Variants in ATP2B2 observed in about 807,000 individuals in gnomAD.
ATP2B2 encodes the protein plasma membrane calcium-transporting ATPase 2.
ATP2B2 carries 15 observed loss-of-function variants against 120.0 expected under a neutral mutation model. The observed-to-expected ratio is 0.12, with a 90% CI of 0.08 to 0.19. The LOEUF is 0.19. ATP2B2 is among the 10% of genes least tolerant of loss of function. The pLI is 1.00. For missense variants in ATP2B2, 1,045 were observed against 1,719.8 expected (o/e 0.61, Z 6.94); for synonymous variants, 694 against 700.3 (o/e 0.99, Z 0.14).
chr3:10,454,180 C>T (rs1051801987), intron 1 of ATP2B2, among the ~76,000 whole-genome samples: 2 of 152,326 alleles, frequency 1.3e-5, no homozygotes, highest in South Asian at 2.1e-4. Context: ...AGAGAGACAA[C>T]TAAATTAGTG....
At chr3:10,501,183 ACT>A (rs1340947718) in intron 1 of ATP2B2, among the ~76,000 whole-genome samples, 5 of 151,924 alleles carry the variant, frequency 3.3e-5, no homozygotes, top group African/African-American at 7.3e-5. Context: ...CATATCTGGA[ACT>A]CTCTGACCCT....
intron 1 of ATP2B2, among the ~76,000 whole-genome samples, chr3:10,691,400 T>C (rs948675747): frequency 3.3e-5 from 5 of 152,152 alleles, no homozygotes; most frequent in African/African-American, 9.7e-5. Flanking sequence ...CCTCAGTAGT[T>C]ATGGGAGGAC....
intron 2 of ATP2B2, among the ~76,000 whole-genome samples, chr3:10,614,400 C>T (rs1045465346): frequency 8.5e-5 from 13 of 152,136 alleles, no homozygotes; most frequent in African/African-American, 2.9e-4. Flanking sequence ...TGGCAGGAAT[C>T]GCTGTAGGGC....
intron 2 of ATP2B2, among the ~76,000 whole-genome samples, chr3:10,545,093 C>G (rs2067516044): frequency 6.6e-6 from 1 of 152,176 alleles, no homozygotes; most frequent in Non-Finnish European, 1.5e-5. Flanking sequence ...AGGGAGGAGT[C>G]TGAGAAACAA....
intron 1 of ATP2B2, among the ~76,000 whole-genome samples, chr3:10,450,609 A>G (rs573521496): frequency 2.4e-4 from 36 of 152,260 alleles, no homozygotes; most frequent in African/African-American, 8.2e-4. Flanking sequence ...TAGTCACAAG[A>G]ATGTCATTGA....
At chr3:10,401,643 C>A (rs543620243) in intron 4 of ATP2B2, among the ~76,000 whole-genome samples, 11 of 152,342 alleles carry the variant, frequency 7.2e-5, no homozygotes, top group African/African-American at 2.6e-4. Flanking sequence ...CCAGAATATT[C>A]ACTTATCCAC....
chr3:10,623,181 G>C (rs948948073), intron 1 of ATP2B2, among the ~76,000 whole-genome samples: 2 of 150,782 alleles, frequency 1.3e-5, no homozygotes, highest in Non-Finnish European at 2.9e-5. Context: ...TCCTGCCTCA[G>C]CCTCCTGAGT....
chr3:10,340,855 C>T lies in ATP2B2; in HGVS notation c.2918-151G>A. Reference sequence around the variant, plus strand: ...TGGACAGTGGGGGGCCAGGGCTGTGCTGTCAGCTGGTCAGAGACTAGGACT... The same window carrying T: ...TGGACAGTGGGGGGCCAGGGCTGTGTTGTCAGCTGGTCAGAGACTAGGACT... On this transcript the variant is annotated intron_variant, in intron 19 of 22. Coordinates refer to ENST00000360273, the MANE Select transcript of ATP2B2 (RefSeq NM_001001331.4). The surrounding 1 kb of genome is among the most constrained non-coding windows in gnomAD (Gnocchi z 5.0). 1 of 777,526 alleles carries T rather than the reference C, an allele frequency of 1.3e-6. No homozygotes were observed. Among genetic ancestry groups the T allele is most frequent in the African/African-American group, 1.7e-5 (1 of 58,422 alleles). The allele number at this position is 777,526 out of a possible 1,614,324, so 48.2% of individuals were successfully genotyped here.
intron 5 of ATP2B2, among the ~76,000 whole-genome samples, chr3:10,397,925 C>A (rs1466401647): frequency 6.6e-6 from 1 of 152,198 alleles, no homozygotes; most frequent in East Asian, 1.9e-4. Flanking sequence ...TTCTATGGAG[C>A]CAGCTATGCC....
At chr3:10,501,706 C>G (rs1037592239) in intron 1 of ATP2B2, among the ~76,000 whole-genome samples, 3 of 152,046 alleles carry the variant, frequency 2.0e-5, no homozygotes, top group African/African-American at 4.8e-5. Flanking sequence ...TGGTAGGGGA[C>G]TGGTGGGGAG....
At chr3:10,377,994 C>A (rs2061426270) in intron 10 of ATP2B2, among the ~76,000 whole-genome samples, 1 of 152,214 alleles carries the variant, frequency 6.6e-6, no homozygotes, top group African/African-American at 2.4e-5. Flanking sequence ...ACAGCCATTG[C>A]CGGACAAGAA....
At chr3:10,625,501 C>T (rs1009784368) in intron 1 of ATP2B2, among the ~76,000 whole-genome samples, 8 of 152,288 alleles carry the variant, frequency 5.3e-5, no homozygotes, top group Admixed American at 2.6e-4. Flanking sequence ...TTTCCTACTC[C>T]GCCAGGATTT....
At chr3:10,480,604 A>G (rs1469678800) in intron 1 of ATP2B2, among the ~76,000 whole-genome samples, 1 of 152,034 alleles carries the variant, frequency 6.6e-6, no homozygotes, top group East Asian at 1.9e-4. Context: ...CAGGCCCAAG[A>G]CCCTGTCAAG....
chr3:10,625,206 T>C (rs1377678822), intron 1 of ATP2B2, among the ~76,000 whole-genome samples: 2 of 152,224 alleles, frequency 1.3e-5, no homozygotes, highest in Non-Finnish European at 2.9e-5. Flanking sequence ...GAACGGTCTG[T>C]GGGTACTTAA....
chr3:10,451,089 T>C (rs1254021767), intron 1 of ATP2B2, among the ~76,000 whole-genome samples: 1 of 152,236 alleles, frequency 6.6e-6, no homozygotes, highest in African/African-American at 2.4e-5. Flanking sequence ...GCTGGAGGCA[T>C]TCTAGGGCTA....
At chr3:10,669,946 G>C (rs562759002) in intron 1 of ATP2B2, among the ~76,000 whole-genome samples, 22 of 152,320 alleles carry the variant, frequency 1.4e-4, no homozygotes, top group African/African-American at 3.8e-4. Context: ...GCTGGCCATA[G>C]AGAAAATGGT....
At chr3:10,338,610 A>T (rs2060193889) in intron 21 of ATP2B2, 7 of 500,420 alleles carry the variant, frequency 1.4e-5, no homozygotes, top group Admixed American at 7.2e-5. Context: ...TAATTCATTC[A>T]TTCAGAGTCA....
In ATP2B2 at chr3:10,343,398, C is replaced by T. The variant is rs2060339081; in HGVS notation, c.2704-433G>A. 6.6e-6 allele frequency among the ~76,000 whole-genome samples: 1 copy of T among 151,332 alleles called. No individual in the cohort carries two copies. The highest frequency in any genetic ancestry group is 1.5e-5 in the Non-Finnish European group (1 of 67,784). ...TCTATCCTACAAACAGTGCCCGTCCCCCACCCCCCCAATGTCTCCTCCCCT... is the reference window on the plus strand; with the variant it reads ...TCTATCCTACAAACAGTGCCCGTCCTCCACCCCCCCAATGTCTCCTCCCCT... On this transcript the variant is annotated intron_variant, in intron 18 of 22. Coordinates refer to ENST00000360273, the MANE Select transcript of ATP2B2 (RefSeq NM_001001331.4). This position sits in a 1 kb window ranked among gnomAD's most constrained non-coding sequence, Gnocchi z 4.2.
chr3:10,362,161 C>G (rs2060919604), intron 12 of ATP2B2, among the ~76,000 whole-genome samples: 1 of 152,200 alleles, frequency 6.6e-6, no homozygotes, highest in Admixed American at 6.5e-5. Flanking sequence ...CGCCTGTGTC[C>G]CCCTGAAGTA....
Sources: gnomAD v4.1 joint callset for allele counts (sites outside exome capture counted in the v4.1 genomes callset) on GRCh38, gnomAD v4.1.1 for gene constraint, Gnocchi (gnomAD v3.1) non-coding constraint, MANE v1.5 for transcripts, NCBI Gene and HGNC (gene_info 2026-07-23, HGNC 2026-07-21) for gene names.